The following DOCK1 variants were observed in gnomAD, a reference collection of about 807,000 sequenced individuals.
DOCK1 encodes dedicator of cytokinesis 1.
Under a neutral mutation model 262.7 loss-of-function variants are expected in DOCK1, and 138 were observed. That is an observed-to-expected ratio of 0.53 (90% CI 0.46 to 0.61). DOCK1 has a LOEUF of 0.61. Among genes scored for constraint, DOCK1 ranks in the 20% least tolerant of loss-of-function variants. The pLI, the probability that DOCK1 is intolerant of heterozygous loss-of-function variation, is 0.00. For missense variants in DOCK1, 1,908 were observed against 2,370.7 expected (o/e 0.80, Z 4.05); for synonymous variants, 866 against 867.4 (o/e 1.00, Z 0.03).
At chr10:127,262,686 A>G (rs1449182506) in intron 29 of DOCK1, among the ~76,000 whole-genome samples, 1 of 152,206 alleles carries the variant, frequency 6.6e-6, no homozygotes, top group African/African-American at 2.4e-5. Context: ...ACCAGCTTCA[A>G]AATGAAGGGT....
chr10:127,270,961 C>T (rs2060541155), intron 29 of DOCK1, among the ~76,000 whole-genome samples: 2 of 151,170 alleles, frequency 1.3e-5, no homozygotes, highest in Admixed American at 6.6e-5. Context: ...GACTCTTGTC[C>T]CTTTTTTCTA....
intron 43 of DOCK1, among the ~76,000 whole-genome samples, chr10:127,413,481 C>T (rs2067978872): frequency 6.6e-6 from 1 of 152,232 alleles, no homozygotes; most frequent in African/African-American, 2.4e-5. Flanking sequence ...AGCCTGGCTC[C>T]AAGTGCAGGG....
rs1037369322 is a variant in DOCK1, at chr10:127,032,094, G to T, written c.1729-43G>T. 3 of 1,559,138 alleles carry T rather than the reference G, an allele frequency of 1.9e-6. No individual in the cohort carries two copies. In the Admixed American group the frequency reaches 5.8e-5, roughly 30 times the overall value. ...AGGGTGGCAAAAATGGTGTGTTGCT[G>T]TTTGTGAATTGCCTTTGACATACGG... On this transcript the variant is annotated intron_variant, in intron 17 of 51. Coordinates refer to ENST00000623213, the MANE Select transcript of DOCK1 (RefSeq NM_001290223.2).
chr10:127,274,945 C>G (rs539370587), intron 29 of DOCK1, among the ~76,000 whole-genome samples: 1 of 152,250 alleles, frequency 6.6e-6, no homozygotes, highest in African/African-American at 2.4e-5. Flanking sequence ...ATCAATTTCA[C>G]CCCCTTAGTG....
intron 3 of DOCK1, among the ~76,000 whole-genome samples, 185 bp from the exon 4 acceptor site, chr10:126,981,733 T>C (rs2038991779): frequency 6.6e-6 from 1 of 152,218 alleles, no homozygotes; most frequent in Non-Finnish European, 1.5e-5. Flanking sequence ...ATCGGCAGAC[T>C]GCAATACAAG....
At chr10:127,282,798 C>T (rs2061009549) in intron 29 of DOCK1, among the ~76,000 whole-genome samples, 4 of 152,202 alleles carry the variant, frequency 2.6e-5, no homozygotes. Context: ...GCCTTGGCGA[C>T]AACCAGTTGT....
At chr10:127,216,297 G>A (rs1241196412) in intron 27 of DOCK1, among the ~76,000 whole-genome samples, 1 of 121,862 alleles carries the variant, frequency 8.2e-6, no homozygotes, top group Non-Finnish European at 1.7e-5. Flanking sequence ...TCATGCCAAA[G>A]TGATAATTTA....
chr10:127,376,599 T>C (rs956911787), intron 35 of DOCK1, among the ~76,000 whole-genome samples: 1 of 152,240 alleles, frequency 6.6e-6, no homozygotes, highest in Non-Finnish European at 1.5e-5. Flanking sequence ...GCCAATGTGA[T>C]TGACGTGAAA....
At chr10:127,192,191 G>T (rs1393528346) in intron 27 of DOCK1, among the ~76,000 whole-genome samples, 1 of 152,132 alleles carries the variant, frequency 6.6e-6, no homozygotes, top group East Asian at 1.9e-4. Flanking sequence ...GGATAGTGTG[G>T]TAAAGAGAAC....
chr10:127,228,593 G>T (rs185865006), intron 27 of DOCK1, among the ~76,000 whole-genome samples: 1 of 152,308 alleles, frequency 6.6e-6, no homozygotes, highest in African/African-American at 2.4e-5. Flanking sequence ...GAGACACATG[G>T]TGGAGCTCTG....
chr10:127,112,149 T>G (rs2048905712), intron 25 of DOCK1, among the ~76,000 whole-genome samples: 1 of 152,064 alleles, frequency 6.6e-6, no homozygotes, highest in South Asian at 2.1e-4. Context: ...GTAGCTGGGA[T>G]TATAGGCACC....
intron 27 of DOCK1, among the ~76,000 whole-genome samples, chr10:127,147,895 G>T (rs1281882009): frequency 6.6e-6 from 1 of 151,740 alleles, no homozygotes; most frequent in Non-Finnish European, 1.5e-5. Context: ...GCCAGGATTG[G>T]CGGTGCGCGC....
intron 40 of DOCK1, 74 bp from the exon 41 acceptor site, chr10:127,408,963 G>A: frequency 6.7e-7 from 1 of 1,486,976 alleles, no homozygotes; most frequent in East Asian, 2.5e-5. Flanking sequence ...CATATTTTAA[G>A]GCCAGCATAT....
chr10:127,450,038 A>G (rs1341721297), intron 51 of DOCK1, among the ~76,000 whole-genome samples: 2 of 152,180 alleles, frequency 1.3e-5, no homozygotes, highest in African/African-American at 4.8e-5. Flanking sequence ...TTTCACATGT[A>G]AACAAACAGT....
At chr10:127,056,271 C>T (rs2045135223) in intron 22 of DOCK1, among the ~76,000 whole-genome samples, 1 of 152,156 alleles carries the variant, frequency 6.6e-6, no homozygotes, top group South Asian at 2.1e-4. Flanking sequence ...GTGATGCAGT[C>T]ATAGGTCACT....
intron 6 of DOCK1, among the ~76,000 whole-genome samples, chr10:126,991,117 G>T (rs921572714): frequency 1.3e-5 from 2 of 152,200 alleles, no homozygotes; most frequent in Admixed American, 6.5e-5. Flanking sequence ...ACAAATAGTT[G>T]CTTTGTGCAG....
chr10:127,152,211 C>A (rs777866963), intron 27 of DOCK1, among the ~76,000 whole-genome samples: 1 of 152,184 alleles, frequency 6.6e-6, no homozygotes, highest in Admixed American at 6.5e-5. Context: ...CACTTCCTAA[C>A]GTACTGATGT....
intron 7 of DOCK1, among the ~76,000 whole-genome samples, chr10:126,997,630 AG>A (rs1197362903): frequency 6.6e-6 from 1 of 152,014 alleles, no homozygotes; most frequent in Non-Finnish European, 1.5e-5. Context: ...ACCTCCCACC[AG>A]TATATATATA....
At chr10:127,164,159 C>CTTTT (rs528947051) in intron 27 of DOCK1, among the ~76,000 whole-genome samples, 2 of 63,582 alleles carry the variant, frequency 3.1e-5, no homozygotes, top group Admixed American at 2.3e-4. Context: ...CATTTGCCTC[C>CTTTT]TTTTTTTTTT....
Sources: allele counts gnomAD v4.1 joint callset (sites outside exome capture counted in the v4.1 genomes callset), GRCh38; gene constraint gnomAD v4.1.1; transcripts MANE v1.5; gene names NCBI Gene and HGNC (gene_info 2026-07-23, HGNC 2026-07-21).